Variants in ZNF35 observed in about 807,000 individuals in gnomAD.
The protein encoded by ZNF35 is zinc finger protein 35 (clone HF.10).
Under a neutral mutation model 45.9 loss-of-function variants are expected in ZNF35, and 31 were observed. The observed-to-expected ratio is 0.68, with a 90% CI of 0.51 to 0.91. ZNF35 has a LOEUF of 0.91. ZNF35 is among the 40% of genes least tolerant of loss of function. The probability of loss-of-function intolerance (pLI) is 0.00; values close to 1 mark genes in which losing one functional copy is unlikely to be tolerated. For missense variants in ZNF35, 515 were observed against 625.4 expected (o/e 0.82, Z 1.88); for synonymous variants, 205 against 220.2 (o/e 0.93, Z 0.61).
chr3:44,660,018 T>C lies in ZNF35; in HGVS notation c.*71T>C. On this transcript the variant is annotated 3_prime_UTR_variant, in exon 4 of 4. Transcript: ENST00000396056. ...CCTCCCTAATGAGACACCTCTTTGC[T>C]GTTTTCTTCCTCCTCTATAAAAGTG... The C allele has an allele frequency of 6.9e-7, 1 of 1,446,974 alleles. No homozygotes were observed. The allele number at this position is 1,446,974 out of a possible 1,614,324, so 89.6% of individuals were successfully genotyped here.
chr3:44,652,589 C>T lies in ZNF35; in HGVS notation c.225C>T (p.Val75=), dbSNP rs1266530021. The T allele has an allele frequency of 6.2e-7, 1 of 1,609,944 alleles. No individual in the cohort carries two copies. Among genetic ancestry groups the T allele is most frequent in the Admixed American group, 1.7e-5 (1 of 59,306 alleles). ...ACATATCCTGGGATATGGCGGTAGT[C>T]CTGAAAGCAACTCAGGAGGCACCTG... ...GQNISWDMAV[V]LKATQEAPAA... Residue 75 remains valine, a synonymous_variant, in exon 3 of 4, where the codon GTC becomes GTT. Transcript: ENST00000396056.
At chr3:44,646,637 T>G, upstream of ZNF35, 1 of 718,812 alleles carries the variant, frequency 1.4e-6, no homozygotes. Flanking sequence ...TGAAAATTGT[T>G]CAAGCTGTCT....
chr3:44,646,825 G>A, upstream of ZNF35: 1 of 327,054 alleles, frequency 3.1e-6, no homozygotes, highest in Non-Finnish European at 5.7e-6. Flanking sequence ...TTTTTGACAG[G>A]GGCAAAAGCA....
intron 3 of ZNF35, among the ~76,000 whole-genome samples, chr3:44,656,613 G>C (rs1231066572): frequency 1.0e-4 from 15 of 147,358 alleles, no homozygotes; most frequent in Non-Finnish European, 2.2e-4. Context: ...GGCTGGTCTC[G>C]AACTCCTGAC....
At position 44,660,386 on chromosome 3, in the gene ZNF35, G is replaced by C. The variant is rs563031614; in HGVS notation, c.*439G>C. Reference sequence around the variant, plus strand: ...TTCTGGTTAAGTGGTGACTGGGTAAGGAAACCACTTGGGGTAGCAGTTCAA... The same window carrying C: ...TTCTGGTTAAGTGGTGACTGGGTAACGAAACCACTTGGGGTAGCAGTTCAA... On this transcript the variant is annotated 3_prime_UTR_variant, in exon 4 of 4. Coordinates refer to ENST00000396056, the MANE Select transcript of ZNF35 (RefSeq NM_003420.4). The C allele has an allele frequency of 1.2e-3, 180 of 154,654 alleles. No individual in the cohort carries two copies. The highest frequency in any genetic ancestry group is 2.3e-3 in the Admixed American group (35 of 15,492). 9.6% of individuals were successfully genotyped at this position (154,654 alleles called of 1,614,324 possible).
intron 3 of ZNF35, among the ~76,000 whole-genome samples, chr3:44,656,424 T>A (rs1052085439): frequency 2.0e-5 from 3 of 150,918 alleles, no homozygotes; most frequent in African/African-American, 7.3e-5. Flanking sequence ...TGAGTTTCGC[T>A]CTGCTGCCCA....
rs1445789534 is a variant in ZNF35 at position 44,659,828 on chromosome 3, C to T, written c.1465C>T (p.Leu489Phe). 1 of 1,613,838 alleles carries T rather than the reference C, an allele frequency of 6.2e-7. No homozygotes were observed. Among genetic ancestry groups the T allele is most frequent in the Non-Finnish European group, 8.5e-7 (1 of 1,179,940 alleles). The change falls in exon 4 of 4, where the codon CTC becomes TTC. Residue 489 changes from leucine to phenylalanine, a missense_variant. Transcript: ENST00000396056. The surrounding 1 kb of genome is among the most constrained non-coding windows in gnomAD (Gnocchi z 4.3). The stretch of plus-strand genomic sequence containing the variant: ...GAAGGCCTTCAGACAGAGGTCGAGC[C>T]TCACCGTGCACCAGAGAACCCACAC... Reference protein sequence around the residue: ...CGKAFRQRSSLTVHQRTHTGE... With the variant: ...CGKAFRQRSSFTVHQRTHTGE...
Position 44,652,582 on chromosome 3 carries a change from C to T in ZNF35, c.218C>T (p.Ala73Val), listed in dbSNP as rs181680635. Residue 73 changes from alanine to valine, a missense_variant, in exon 3 of 4, where the codon GCG becomes GTG. Physicochemically the swap from Ala to Val is moderately conservative, Grantham distance 64. Around this residue, in one of 3 missense-constraint regions of ZNF35, gnomAD observed 275 missense variants for 295.7 expected, o/e 0.93. Transcript: ENST00000396056. Reference sequence around the variant, plus strand: ...GGTCAGAACATATCCTGGGATATGGCGGTAGTCCTGAAAGCAACTCAGGAG... The same window carrying T: ...GGTCAGAACATATCCTGGGATATGGTGGTAGTCCTGAAAGCAACTCAGGAG... Reference protein sequence around the residue: ...EKGQNISWDMAVVLKATQEAP... With the variant: ...EKGQNISWDMVVVLKATQEAP... 1.2e-5 allele frequency: 19 copies of T among 1,607,930 alleles called. No homozygotes were observed. The African/African-American group carries it at 1.5e-4, about 12-fold the overall frequency.
rs188842958 is a variant in ZNF35, at chr3:44,660,298, T to C, written c.*351T>C. ...TTTTGTTTTTTAAAACTCTGATGAT[T>C]GCTTGAGCAACAGGCAGGTTATCTG... On this transcript the variant is annotated 3_prime_UTR_variant, in exon 4 of 4. Transcript: ENST00000396056. The C allele has an allele frequency of 1.6e-3, 266 of 171,576 alleles. 7 individuals carry two copies. The highest frequency in any genetic ancestry group is 0.013 in the Admixed American group (239 of 17,736). The allele number at this position is 171,576 out of a possible 1,614,324, so 10.6% of individuals were successfully genotyped here.
chr3:44,659,086 G>C lies in ZNF35; in HGVS notation c.723G>C (p.Gln241His), dbSNP rs775825402. ...AGAGTGCAAACCTCGTTGTGCATCA[G>C]CGAATCCACACTGGAGAGAAACCCT... ...FSQSANLVVH[Q>H]RIHTGEKPFE... Residue 241 changes from glutamine to histidine, a missense_variant, in exon 4 of 4, where the codon CAG (glutamine) becomes CAC (histidine). Physicochemically the swap from Gln to His is conservative, Grantham distance 24. Transcript: ENST00000396056. This position sits in a 1 kb window ranked among gnomAD's most constrained non-coding sequence, Gnocchi z 4.3. The C allele has an allele frequency of 6.2e-7, 1 of 1,614,182 alleles. No homozygotes were observed. The highest frequency in any genetic ancestry group is 1.7e-5 in the Admixed American group (1 of 60,030).
chr3:44,649,231 G>A (rs912020497), intron 1 of ZNF35, among the ~76,000 whole-genome samples: 2 of 152,224 alleles, frequency 1.3e-5, no homozygotes, highest in Non-Finnish European at 2.9e-5. Flanking sequence ...ACTCACTGTA[G>A]GCAGTCTTAT....
intron 3 of ZNF35, among the ~76,000 whole-genome samples, chr3:44,656,279 A>C (rs1301733874): frequency 6.6e-6 from 1 of 152,232 alleles, no homozygotes; most frequent in African/African-American, 2.4e-5. Flanking sequence ...GCAGCAGCAG[A>C]AGAAAAGATA....
At chr3:44,657,215 TTGGA>T (rs1385758975) in intron 3 of ZNF35, among the ~76,000 whole-genome samples, 1 of 152,178 alleles carries the variant, frequency 6.6e-6, no homozygotes, top group African/African-American at 2.4e-5. Context: ...ATATCATTGG[TTGGA>T]TGGTCATCCT....
chr3:44,656,393 A>ATTT (rs35391505), intron 3 of ZNF35, among the ~76,000 whole-genome samples: 2 of 144,230 alleles, frequency 1.4e-5, no homozygotes, highest in African/African-American at 2.5e-5. Context: ...AGCATTTCAG[A>ATTT]TTTTTTTTTT....
At chr3:44,650,563 T>G (rs561197338) in intron 1 of ZNF35, among the ~76,000 whole-genome samples, 2 of 152,246 alleles carry the variant, frequency 1.3e-5, no homozygotes, top group African/African-American at 4.8e-5. Flanking sequence ...ATTAGTAGTA[T>G]GGTTGGAGAT....
At position 44,651,004 on chromosome 3, in the gene ZNF35, G is replaced by A; in HGVS notation, c.-64G>A. On this transcript the variant is annotated 5_prime_UTR_variant, in exon 2 of 4. Coordinates refer to ENST00000396056, the MANE Select transcript of ZNF35 (RefSeq NM_003420.4). ...AAGAAGCTTTTGAAACATAAAGCTTGGATGGGGTTTGACCTCTGCAGGGCA... is the reference window on the plus strand; with the variant it reads ...AAGAAGCTTTTGAAACATAAAGCTTAGATGGGGTTTGACCTCTGCAGGGCA... 2.7e-6 allele frequency: 4 copies of A among 1,493,304 alleles called. No homozygotes were observed. The highest frequency in any genetic ancestry group is 3.6e-6 in the Non-Finnish European group (4 of 1,107,358). The allele number at this position is 1,493,304 out of a possible 1,614,324, so 92.5% of individuals were successfully genotyped here.
intron 3 of ZNF35, among the ~76,000 whole-genome samples, chr3:44,657,792 A>G (rs1459629742): frequency 6.6e-6 from 1 of 152,168 alleles, no homozygotes; most frequent in South Asian, 2.1e-4. Flanking sequence ...GTCTATCACC[A>G]TAGCAGCTCC....
chr3:44,659,653 C>T lies in ZNF35; in HGVS notation c.1290C>T (p.Leu430=), dbSNP rs1198399164. 1.9e-6 allele frequency: 3 copies of T among 1,614,198 alleles called. No individual in the cohort carries two copies. Among genetic ancestry groups the T allele is most frequent in the African/African-American group, 1.3e-5 (1 of 75,034 alleles). ...AATGTGGGAAAGCCTTCAGTCAGCT[C>T]TCTTGCCTTATTGTCCACCAGAGAA... ...CSECGKAFSQ[L]SCLIVHQRIH... The change falls in exon 4 of 4, where the codon CTC becomes CTT. Residue 430 remains leucine, a synonymous_variant. Transcript: ENST00000396056. The surrounding 1 kb of genome is among the most constrained non-coding windows in gnomAD (Gnocchi z 4.3).
At chr3:44,649,272 C>T (rs1339734566) in intron 1 of ZNF35, among the ~76,000 whole-genome samples, 5 of 152,194 alleles carry the variant, frequency 3.3e-5, no homozygotes, top group African/African-American at 1.2e-4. Flanking sequence ...TAAGGACCTT[C>T]ATACCAGATT....
Sources: allele counts gnomAD v4.1 joint callset (sites outside exome capture counted in the v4.1 genomes callset), GRCh38; gene constraint gnomAD v4.1.1; regional missense constraint gnomAD v4.1.1; non-coding constraint Gnocchi (gnomAD v3.1); transcripts MANE v1.5; gene names NCBI Gene and HGNC (gene_info 2026-07-23, HGNC 2026-07-21).